The following CNTLN variants were observed in gnomAD, a reference collection of about 807,000 sequenced individuals.
The protein encoded by CNTLN is centlein, centrosomal protein.
Under a neutral mutation model 180.0 loss-of-function variants are expected in CNTLN, and 212 were observed. The observed-to-expected ratio is 1.18, with a 90% confidence interval of 1.05 to 1.32. The LOEUF (loss-of-function observed/expected upper bound fraction) is 1.32. Ranked by LOEUF, CNTLN falls within the 40% of genes most tolerant of loss-of-function variation. The pLI, the probability that CNTLN is intolerant of heterozygous loss-of-function variation, is 0.00. For synonymous variants in CNTLN, 722 were observed against 563.1 expected (o/e 1.28, Z -3.99); for missense variants, 2,095 against 1,610.9 (o/e 1.30, Z -5.14).
intron 18 of CNTLN, among the ~76,000 whole-genome samples, chr9:17,457,299 A>G (rs770810877): frequency 1.3e-5 from 2 of 152,078 alleles, no homozygotes; most frequent in Non-Finnish European, 2.9e-5. Flanking sequence ...CAACCAAAAG[A>G]TATTGAGTAT....
At chr9:17,318,514 A>G (rs1819687756) in intron 8 of CNTLN, among the ~76,000 whole-genome samples, 1 of 152,196 alleles carries the variant, frequency 6.6e-6, no homozygotes, top group Admixed American at 6.5e-5. Context: ...GTTAGAATGC[A>G]TAAACTTTGA....
At chr9:17,338,144 CCTT>C (rs978015267) in intron 10 of CNTLN, among the ~76,000 whole-genome samples, 22 of 148,752 alleles carry the variant, frequency 1.5e-4, no homozygotes, top group African/African-American at 2.5e-4. Flanking sequence ...TTCCTTCCTT[CCTT>C]CTTCTTTCTT....
rs141452114 is a variant in CNTLN at position 17,209,865 on chromosome 9, C to G, written c.450-16338C>G. ...TATTCATAGGCAATTTTGATATTCACCTTAGGGAAAATACTATGATTTTAC... is the reference window on the plus strand; with the variant it reads ...TATTCATAGGCAATTTTGATATTCAGCTTAGGGAAAATACTATGATTTTAC... On this transcript the variant is annotated intron_variant, in intron 2 of 25. Coordinates refer to ENST00000380647, the MANE Select transcript of CNTLN (RefSeq NM_017738.4). Among the ~76,000 whole-genome samples, 445 of 152,168 alleles carry G rather than the reference C, an allele frequency of 2.9e-3. 2 individuals carry two copies. The highest frequency in any genetic ancestry group is 0.01 in the African/African-American group (425 of 41,508).
At chr9:17,444,943 C>CT (rs1366124350) in intron 18 of CNTLN, among the ~76,000 whole-genome samples, 2 of 152,054 alleles carry the variant, frequency 1.3e-5, no homozygotes, top group African/African-American at 4.8e-5. Context: ...TTGCAAATCT[C>CT]TTTTTTCTAT....
At chr9:17,501,954 A>C (rs1416890643) in intron 25 of CNTLN, among the ~76,000 whole-genome samples, 1 of 152,224 alleles carries the variant, frequency 6.6e-6, no homozygotes, top group African/African-American at 2.4e-5. Flanking sequence ...AAGTTATATA[A>C]ATTATGAAAT....
intron 18 of CNTLN, among the ~76,000 whole-genome samples, chr9:17,443,602 G>C (rs189999489): frequency 1.3e-4 from 20 of 152,126 alleles, no homozygotes; most frequent in African/African-American, 4.6e-4. Flanking sequence ...CAGGAGAGAC[G>C]TTCATAGCTT....
intron 15 of CNTLN, among the ~76,000 whole-genome samples, chr9:17,404,432 T>C (rs1349680379): frequency 6.6e-6 from 1 of 151,642 alleles, no homozygotes; most frequent in African/African-American, 2.4e-5. Flanking sequence ...GGAAAGTTCT[T>C]TGAGGGAACA....
intron 23 of CNTLN, among the ~76,000 whole-genome samples, chr9:17,481,142 G>A (rs548115654): frequency 1.6e-4 from 25 of 152,168 alleles, no homozygotes; most frequent in African/African-American, 5.5e-4. Context: ...GGACCCCGCC[G>A]ACCAAGGAGC....
chr9:17,158,708 T>C (rs1400865323), intron 2 of CNTLN, among the ~76,000 whole-genome samples: 1 of 151,882 alleles, frequency 6.6e-6, no homozygotes, highest in Non-Finnish European at 1.5e-5. Context: ...TAAAGATTGG[T>C]AATATCCCCC....
chr9:17,518,601 T>G, the CNTLN span, among the ~76,000 whole-genome samples: 1 of 152,182 alleles, frequency 6.6e-6, no homozygotes, highest in East Asian at 1.9e-4. Flanking sequence ...GTACAGCTCA[T>G]GAATATTTAT....
intron 6 of CNTLN, among the ~76,000 whole-genome samples, chr9:17,279,863 C>A (rs938740928): frequency 9.9e-5 from 15 of 152,174 alleles, no homozygotes; most frequent in Non-Finnish European, 1.9e-4. Flanking sequence ...TAATCCAATT[C>A]TCATGAATGA....
intron 18 of CNTLN, among the ~76,000 whole-genome samples, chr9:17,416,968 G>A (rs1475108915): frequency 6.6e-6 from 1 of 152,038 alleles, no homozygotes; most frequent in Admixed American, 6.6e-5. Flanking sequence ...CTAGTATCTA[G>A]TGCTTTGATT....
chr9:17,320,021 C>A (rs970204806), intron 8 of CNTLN, among the ~76,000 whole-genome samples: 6 of 152,150 alleles, frequency 3.9e-5, no homozygotes, highest in African/African-American at 1.2e-4. Flanking sequence ...CTTTTTCATG[C>A]AGAAATAATG....
intron 13 of CNTLN, among the ~76,000 whole-genome samples, chr9:17,384,924 C>T (rs1384203345): frequency 6.6e-6 from 1 of 152,152 alleles, no homozygotes; most frequent in Admixed American, 6.5e-5. Flanking sequence ...GCAGACCCTA[C>T]AGATTAAGGA....
intron 6 of CNTLN, among the ~76,000 whole-genome samples, chr9:17,295,991 AGAGAGAGTGTGTGTGTGTGTGTGTGTGT>A (rs1487315148): frequency 2.9e-3 from 220 of 76,672 alleles, no homozygotes; most frequent in African/African-American, 0.018. Flanking sequence ...AGAGAGAGAG[AGAGAGAGTGTGTGTGTGTGTGTGTGTGT>A]GTGTGTGTGT....
intron 25 of CNTLN, among the ~76,000 whole-genome samples, chr9:17,499,564 C>G (rs1328648747): frequency 6.6e-6 from 1 of 152,180 alleles, no homozygotes; most frequent in Non-Finnish European, 1.5e-5. Flanking sequence ...CATATTGAAT[C>G]TGTTCCATAA....
chr9:17,327,489 CTTT>C (rs35237954), intron 8 of CNTLN, among the ~76,000 whole-genome samples: 6 of 133,606 alleles, frequency 4.5e-5, no homozygotes, highest in Admixed American at 1.5e-4. Flanking sequence ...CAGCTGTTTC[CTTT>C]TTTTTTTTTT....
At chr9:17,462,454 C>T (rs1831510729) in intron 19 of CNTLN, among the ~76,000 whole-genome samples, 1 of 151,730 alleles carries the variant, frequency 6.6e-6, no homozygotes, top group Admixed American at 6.6e-5. Flanking sequence ...TTCTTTTCGA[C>T]AAAGCAAGTC....
intron 10 of CNTLN, among the ~76,000 whole-genome samples, chr9:17,336,491 A>C (rs2133164851): frequency 6.6e-6 from 1 of 152,322 alleles, no homozygotes. Flanking sequence ...CTTTGACAGC[A>C]GCGTCCCCAA....
Sources: allele counts gnomAD v4.1 joint callset (sites outside exome capture counted in the v4.1 genomes callset), GRCh38; gene constraint gnomAD v4.1.1; transcripts MANE v1.5; gene names NCBI Gene and HGNC (gene_info 2026-07-23, HGNC 2026-07-21).